USH2A: variants seen among roughly 807,000 people sequenced by gnomAD.
The protein encoded by USH2A is Usher syndrome 2A (autosomal recessive, mild).
A neutral mutation model predicts 538.9 loss-of-function variants in USH2A; 443 were observed. The observed-to-expected ratio is 0.82, with a 90% CI of 0.76 to 0.89. The LOEUF is 0.89. Among genes scored for constraint, USH2A ranks in the 40% least tolerant of loss-of-function variants. USH2A has a pLI of 0.00. For synonymous variants in USH2A, 2,413 were observed against 2,273.5 expected (o/e 1.06, Z -1.75); for missense variants, 6,633 against 6,324.8 (o/e 1.05, Z -1.65).
intron 4 of USH2A, 46 bp from the exon 5 acceptor site, chr1:216,327,700 A>C: frequency 1.2e-6 from 2 of 1,602,570 alleles, no homozygotes; most frequent in Non-Finnish European, 1.7e-6. Context: ...TCTGTTTACC[A>C]AGCAATACCT....
intron 38 of USH2A, among the ~76,000 whole-genome samples, chr1:215,920,029 A>T (rs1448948866): frequency 6.6e-6 from 1 of 152,048 alleles, no homozygotes; most frequent in Non-Finnish European, 1.5e-5. Context: ...TACACAGTTC[A>T]TAATTCATTT....
At chr1:216,000,785 A>T (rs1668250937) in intron 32 of USH2A, among the ~76,000 whole-genome samples, 1 of 152,134 alleles carries the variant, frequency 6.6e-6, no homozygotes, top group African/African-American at 2.4e-5. Flanking sequence ...TCTTGTTTTG[A>T]CTTTTTCATT....
intron 3 of USH2A, among the ~76,000 whole-genome samples, chr1:216,391,281 A>G (rs2039102706): frequency 6.6e-6 from 1 of 152,214 alleles, no homozygotes; most frequent in Admixed American, 6.5e-5. Context: ...CAGTGACAGA[A>G]GGCTTTAAAT....
intron 11 of USH2A, among the ~76,000 whole-genome samples, chr1:216,282,086 A>C (rs933123232): frequency 6.6e-6 from 1 of 152,044 alleles, no homozygotes; most frequent in Non-Finnish European, 1.5e-5. Flanking sequence ...CAAGTTCTTC[A>C]TATATACTAG....
At chr1:215,723,289 T>TCTG (rs1429844398) in intron 61 of USH2A, among the ~76,000 whole-genome samples, 1 of 152,150 alleles carries the variant, frequency 6.6e-6, no homozygotes, top group Non-Finnish European at 1.5e-5. Flanking sequence ...TCCTGCTGCC[T>TCTG]CTGCTGCTGC....
At chr1:216,278,264 A>G (rs1012901357) in intron 11 of USH2A, among the ~76,000 whole-genome samples, 1 of 152,112 alleles carries the variant, frequency 6.6e-6, no homozygotes, top group Non-Finnish European at 1.5e-5. Context: ...AACATGTGGA[A>G]CTCAACATAA....
intron 60 of USH2A, among the ~76,000 whole-genome samples, chr1:215,734,686 C>T (rs895499160): frequency 3.9e-5 from 6 of 152,188 alleles, no homozygotes; most frequent in Non-Finnish European, 5.9e-5. Context: ...ATTTCTTCCA[C>T]CAGTACCCTA....
chr1:215,642,905 A>T (rs1462441318), intron 67 of USH2A, among the ~76,000 whole-genome samples: 1 of 152,152 alleles, frequency 6.6e-6, no homozygotes, highest in Non-Finnish European at 1.5e-5. Flanking sequence ...AGCAGAGGGA[A>T]CTAAATGTGT....
intron 35 of USH2A, among the ~76,000 whole-genome samples, chr1:215,973,656 CTTTTT>C (rs750306238): frequency 3.1e-5 from 4 of 130,954 alleles, no homozygotes; most frequent in African/African-American, 8.7e-5. Flanking sequence ...TCTTCTTCTT[CTTTTT>C]TTTTTTTTTT....
intron 32 of USH2A, among the ~76,000 whole-genome samples, chr1:216,044,134 C>T (rs575918625): frequency 2.4e-4 from 36 of 151,960 alleles, no homozygotes; most frequent in African/African-American, 7.7e-4. Flanking sequence ...CAGGGCAAAC[C>T]GATGAACAAA....
intron 11 of USH2A, among the ~76,000 whole-genome samples, chr1:216,266,762 C>G (rs567304406): frequency 6.6e-6 from 1 of 151,750 alleles, no homozygotes; most frequent in Non-Finnish European, 1.5e-5. Flanking sequence ...GTAGCAAAGA[C>G]GTCAGCATGA....
chr1:215,630,601 C>A (rs1032113565), intron 70 of USH2A, among the ~76,000 whole-genome samples: 14 of 146,094 alleles, frequency 9.6e-5, no homozygotes, highest in Non-Finnish European at 2.1e-4. Flanking sequence ...GCCTGTAATC[C>A]CAGCAATTTG....
chr1:216,414,028 C>G (rs912846800), intron 3 of USH2A, among the ~76,000 whole-genome samples: 2 of 152,050 alleles, frequency 1.3e-5, no homozygotes, highest in African/African-American at 4.8e-5. Flanking sequence ...TAACGAAATG[C>G]TAAAGTAAAT....
At chr1:215,897,819 GAGAA>G (rs1558150581) in intron 40 of USH2A, among the ~76,000 whole-genome samples, 1 of 152,028 alleles carries the variant, frequency 6.6e-6, no homozygotes, top group African/African-American at 2.4e-5. Flanking sequence ...AAGAAAGAAA[GAGAA>G]AGAAAATTGC....
chr1:215,983,348 A>G (rs747590208), intron 35 of USH2A, among the ~76,000 whole-genome samples: 1 of 152,212 alleles, frequency 6.6e-6, no homozygotes, highest in East Asian at 1.9e-4. Context: ...TAATGATAAC[A>G]AAGAAATATT....
rs140637473 is a variant in USH2A, at chr1:215,624,227, T to C, written c.*1554A>G. On this transcript the variant is annotated 3_prime_UTR_variant, in exon 72 of 72. Coordinates refer to ENST00000307340, the MANE Select transcript of USH2A (RefSeq NM_206933.4). Reference sequence around the variant, plus strand: ...AGGTGGTAGAACTTCTGCTTAATACTGGCCTGTGCTTTTGACACTTATGGT... The same window carrying C: ...AGGTGGTAGAACTTCTGCTTAATACCGGCCTGTGCTTTTGACACTTATGGT... 6.9e-4 allele frequency: 105 copies of C among 152,326 alleles called. No individual in the cohort carries two copies. Among genetic ancestry groups the C allele is most frequent in the Admixed American group, 1.7e-3 (26 of 15,280 alleles). 9.4% of individuals were successfully genotyped at this position (152,326 alleles called of 1,614,324 possible).
chr1:215,980,565 T>C (rs1031914995), intron 35 of USH2A, among the ~76,000 whole-genome samples: 6 of 152,100 alleles, frequency 3.9e-5, no homozygotes, highest in African/African-American at 1.2e-4. Flanking sequence ...AAATCTCCTG[T>C]CCATAATTGG....
At chr1:215,774,765 T>C (rs1661409836) in intron 55 of USH2A, among the ~76,000 whole-genome samples, 2 of 152,034 alleles carry the variant, frequency 1.3e-5, no homozygotes, top group Non-Finnish European at 1.5e-5. Flanking sequence ...GCAAAGTACA[T>C]TGGAATATCT....
In USH2A at chr1:215,967,399, C is replaced by A. The variant is rs570814199; in HGVS notation, c.6958-1920G>T. Reference sequence around the variant, plus strand: ...GGCCAGGCTGGTCTCGAACTCCTGACCTTGTGATCCACCCACTTTGACCTC... The same window carrying A: ...GGCCAGGCTGGTCTCGAACTCCTGAACTTGTGATCCACCCACTTTGACCTC... On this transcript the variant is annotated intron_variant, in intron 36 of 71. Transcript: ENST00000307340. Among the ~76,000 whole-genome samples the A allele has an allele frequency of 2.4e-4, 37 of 152,214 alleles. 1 individual carries two copies. Among genetic ancestry groups the A allele is most frequent in the African/African-American group, 8.9e-4 (37 of 41,536 alleles).
Sources: gnomAD v4.1 joint callset for allele counts (sites outside exome capture counted in the v4.1 genomes callset) on GRCh38, gnomAD v4.1.1 for gene constraint, MANE v1.5 for transcripts, NCBI Gene and HGNC (gene_info 2026-07-23, HGNC 2026-07-21) for gene names.